Variants in SPATA16 observed in about 807,000 individuals in gnomAD.
SPATA16 encodes spermatogenesis associated 16, also known as spermatogenesis-associated protein 16.
SPATA16 carries 36 observed loss-of-function variants against 63.3 expected under a neutral mutation model. That is an observed-to-expected ratio of 0.57 (90% CI 0.44 to 0.75). The LOEUF (loss-of-function observed/expected upper bound fraction) is 0.75, where lower values mean the gene tolerates loss of function less well. Ranked by LOEUF, SPATA16 falls within the 30% of genes least tolerant of loss-of-function variation. The pLI, the probability that SPATA16 is intolerant of heterozygous loss-of-function variation, is 0.00. For missense variants in SPATA16, 646 were observed against 679.3 expected (o/e 0.95, Z 0.54); for synonymous variants, 203 against 216.7 (o/e 0.94, Z 0.56).
At chr3:172,961,464 G>A (rs1733783220) in intron 5 of SPATA16, among the ~76,000 whole-genome samples, 2 of 151,564 alleles carry the variant, frequency 1.3e-5, no homozygotes, top group East Asian at 1.9e-4. Flanking sequence ...GTGTGATCTC[G>A]GCTCACTGCA....
chr3:172,895,988 A>AT (rs368227171), intron 10 of SPATA16, among the ~76,000 whole-genome samples: 49 of 148,872 alleles, frequency 3.3e-4, no homozygotes, highest in South Asian at 8.5e-4. Flanking sequence ...TGCATATTTA[A>AT]TTTTTTTTTT....
intron 2 of SPATA16, among the ~76,000 whole-genome samples, chr3:173,081,434 G>T (rs149472847): frequency 6.6e-6 from 1 of 152,076 alleles, no homozygotes; most frequent in African/African-American, 2.4e-5. Flanking sequence ...AGAATGAGTC[G>T]CTTCCTGGTC....
chr3:172,926,975 A>T (rs1201158298), intron 6 of SPATA16, among the ~76,000 whole-genome samples: 1 of 152,242 alleles, frequency 6.6e-6, no homozygotes, highest in Non-Finnish European at 1.5e-5. Flanking sequence ...ATATTAACGT[A>T]GACTCAGAAC....
rs572793035 is a variant in SPATA16 at position 172,920,579 on chromosome 3, A to G, written c.1338+3629T>C. 9.2e-5 allele frequency among the ~76,000 whole-genome samples: 14 copies of G among 152,316 alleles called. No homozygotes were observed. The South Asian group carries it at 2.9e-3, about 32-fold the overall frequency. On this transcript the variant is annotated intron_variant, in intron 8 of 10. Coordinates refer to ENST00000351008, the MANE Select transcript of SPATA16 (RefSeq NM_031955.6). ...TGGAGAACAAACATATGTATCTTTT[A>G]GTTTAATGGAGAAAAATTGAAAATT...
chr3:173,091,095 C>CA, intron 2 of SPATA16, among the ~76,000 whole-genome samples: 1 of 152,262 alleles, frequency 6.6e-6, no homozygotes, highest in East Asian at 1.9e-4. Flanking sequence ...ATGTCTACCA[C>CA]CATCACTTCT....
intron 6 of SPATA16, among the ~76,000 whole-genome samples, chr3:172,953,049 A>G (rs560702729): frequency 3.9e-5 from 6 of 152,098 alleles, no homozygotes; most frequent in Non-Finnish European, 8.8e-5. Flanking sequence ...ATCCTACATA[A>G]TTCTTTTAAT....
chr3:173,007,509 A>G (rs1414863566), intron 4 of SPATA16, among the ~76,000 whole-genome samples: 1 of 152,210 alleles, frequency 6.6e-6, no homozygotes, highest in East Asian at 1.9e-4. Context: ...GGATCTTACC[A>G]ATTTGTTGTT....
intron 2 of SPATA16, among the ~76,000 whole-genome samples, chr3:173,059,218 A>G (rs1042061185): frequency 6.6e-6 from 1 of 150,438 alleles, no homozygotes; most frequent in African/African-American, 2.4e-5. Context: ...TCTTAGATTA[A>G]TTGATTAAGT....
chr3:173,030,326 A>T (rs978178450), intron 3 of SPATA16, among the ~76,000 whole-genome samples: 4 of 152,096 alleles, frequency 2.6e-5, no homozygotes, highest in Non-Finnish European at 4.4e-5. Flanking sequence ...TGCAAATCTT[A>T]TATCTGTTAC....
At chr3:173,073,831 G>A (rs139845528) in intron 2 of SPATA16, among the ~76,000 whole-genome samples, 2,274 of 152,244 alleles carry the variant, frequency 0.015, 62 homozygotes, top group African/African-American at 0.053. Flanking sequence ...AGCTTGCACC[G>A]TGCTCCTGGA....
chr3:172,997,458 A>G (rs1473579357), intron 4 of SPATA16, among the ~76,000 whole-genome samples: 2 of 150,738 alleles, frequency 1.3e-5, no homozygotes, highest in Non-Finnish European at 3.0e-5. Flanking sequence ...TTAAAATTAT[A>G]TTTTTTTTTA....
chr3:173,122,534 A>C (rs186856284), intron 1 of SPATA16, among the ~76,000 whole-genome samples: 20 of 152,320 alleles, frequency 1.3e-4, no homozygotes, highest in African/African-American at 4.6e-4. Context: ...ATCTAATTTT[A>C]ACTTGCTGTT....
chr3:173,042,007 G>A (rs1735851808), intron 3 of SPATA16, among the ~76,000 whole-genome samples: 1 of 151,946 alleles, frequency 6.6e-6, no homozygotes, highest in African/African-American at 2.4e-5. Flanking sequence ...CTTGATATCT[G>A]CAAGAAATTT....
intron 1 of SPATA16, among the ~76,000 whole-genome samples, chr3:173,139,435 C>A (rs542309267): frequency 2.0e-5 from 3 of 152,280 alleles, no homozygotes; most frequent in South Asian, 4.1e-4. Context: ...ACAACTTGAA[C>A]ATTACTTTCC....
chr3:173,057,090 A>G (rs548711694), intron 2 of SPATA16, among the ~76,000 whole-genome samples: 2 of 150,086 alleles, frequency 1.3e-5, no homozygotes, highest in African/African-American at 2.4e-5. Context: ...CATTTCAACT[A>G]TAGTATTTTC....
At chr3:173,074,156 A>G (rs892062795) in intron 2 of SPATA16, among the ~76,000 whole-genome samples, 2 of 152,196 alleles carry the variant, frequency 1.3e-5, no homozygotes, top group African/African-American at 4.8e-5. Flanking sequence ...TTGATTTTAC[A>G]GGCTCATAGG....
chr3:173,008,041 A>T (rs1273186418), intron 4 of SPATA16, among the ~76,000 whole-genome samples: 1 of 152,170 alleles, frequency 6.6e-6, no homozygotes, highest in African/African-American at 2.4e-5. Context: ...ATATTTAGTG[A>T]TATTTTTGAT....
intron 6 of SPATA16, among the ~76,000 whole-genome samples, chr3:172,931,603 T>C (rs1302695282): frequency 6.6e-6 from 1 of 152,198 alleles, no homozygotes; most frequent in Non-Finnish European, 1.5e-5. Context: ...AATCAACATT[T>C]GAATTTAATC....
intron 2 of SPATA16, among the ~76,000 whole-genome samples, chr3:173,053,265 G>A (rs1736143513): frequency 6.6e-6 from 1 of 152,048 alleles, no homozygotes; most frequent in African/African-American, 2.4e-5. Flanking sequence ...ATGAGGCAGA[G>A]TTTGCAGTGA....
Sources: gnomAD v4.1 joint callset for allele counts (sites outside exome capture counted in the v4.1 genomes callset) on GRCh38, gnomAD v4.1.1 for gene constraint, MANE v1.5 for transcripts, NCBI Gene and HGNC (gene_info 2026-07-23, HGNC 2026-07-21) for gene names.